ZNF410: variants seen among roughly 807,000 people sequenced by gnomAD.
ZNF410 encodes the protein another partner for ARF 1.
A neutral mutation model predicts 54.8 loss-of-function variants in ZNF410; 18 were observed. That is an observed-to-expected ratio of 0.33 (90% CI 0.23 to 0.49). ZNF410 has a LOEUF of 0.49. Among genes scored for constraint, ZNF410 ranks in the 20% least tolerant of loss-of-function variants. ZNF410 has a pLI of 0.99. For missense variants in ZNF410, 405 were observed against 569.6 expected, an observed-to-expected ratio of 0.71 and a Z score of 2.94; for synonymous variants, 191 against 207.3, an observed-to-expected ratio of 0.92 and a Z score of 0.68.
chr14:73,912,984 C>G (rs940600614), intron 8 of ZNF410: 2 of 151,922 alleles, frequency 1.3e-5, no homozygotes, highest in African/African-American at 4.8e-5. Flanking sequence ...ATCCCATCAC[C>G]TAGATATTAA....
chr14:73,909,572 C>A, intron 8 of ZNF410, 142 bp downstream of exon 8: 1 of 615,778 alleles, frequency 1.6e-6, no homozygotes, highest in Non-Finnish European at 2.8e-6. Flanking sequence ...ATGACAGAAT[C>A]AGAAATCAAG....
At chr14:73,892,915 C>G (rs1428307502) in intron 2 of ZNF410, among the ~76,000 whole-genome samples, 1 of 152,128 alleles carries the variant, frequency 6.6e-6, no homozygotes, top group African/African-American at 2.4e-5. Flanking sequence ...CCTGTCTCTA[C>G]TAAAAATACA....
At chr14:73,923,574 T>C in intron 11 of ZNF410, 52 bp downstream of exon 11, 4 of 1,574,294 alleles carry the variant, frequency 2.5e-6, no homozygotes, top group Non-Finnish European at 2.6e-6. Context: ...TGGGGAATGA[T>C]TGAGAATTTA....
intron 5 of ZNF410, among the ~76,000 whole-genome samples, chr14:73,903,248 AT>A (rs1348447933): frequency 5.3e-5 from 8 of 152,038 alleles, no homozygotes; most frequent in African/African-American, 1.7e-4. Context: ...CAGAGTTTTT[AT>A]TACTCAGAAC....
At chr14:73,926,446 G>GTT (rs537638618) in intron 11 of ZNF410, among the ~76,000 whole-genome samples, 2 of 149,362 alleles carry the variant, frequency 1.3e-5, no homozygotes. Context: ...TTTTGTTTTT[G>GTT]TTTTGAGACT....
intron 8 of ZNF410, among the ~76,000 whole-genome samples, chr14:73,910,470 G>A (rs1024905806): frequency 2.0e-5 from 3 of 152,160 alleles, no homozygotes; most frequent in East Asian, 1.9e-4. Flanking sequence ...GTGGCCTGGC[G>A]TGGTGGCTCA....
intron 8 of ZNF410, among the ~76,000 whole-genome samples, chr14:73,919,353 A>G (rs550029870): frequency 6.6e-6 from 1 of 152,162 alleles, no homozygotes; most frequent in East Asian, 1.9e-4. Context: ...ACAAGGGTAT[A>G]TTCCAAGATG....
chr14:73,904,073 T>C lies in ZNF410; in HGVS notation c.694T>C (p.Trp232Arg), dbSNP rs1189679013. 4 of 1,614,054 alleles carry C rather than the reference T, an allele frequency of 2.5e-6. No individual in the cohort carries two copies. Among genetic ancestry groups the C allele is most frequent in the Non-Finnish European group, 3.4e-6 (4 of 1,180,024 alleles). Residue 232 changes from tryptophan (W) to arginine (R), a missense_variant, in exon 6 of 12, where the codon TGG (tryptophan) becomes CGG (arginine). By Grantham distance (101) the Trp-to-Arg change is moderately radical. Transcript: ENST00000555044. ...TVEGCDRTFV[W>R]PAHFKYHLKT... ...TGAAGGTTGTGACCGGACATTTGTATGGCCAGCTCACTTTAAATACCACCT... is the reference window on the plus strand; with the variant it reads ...TGAAGGTTGTGACCGGACATTTGTACGGCCAGCTCACTTTAAATACCACCT...
At chr14:73,887,803 G>A (rs1338157645) in intron 1 of ZNF410, among the ~76,000 whole-genome samples, 2 of 152,186 alleles carry the variant, frequency 1.3e-5, no homozygotes, top group East Asian at 3.8e-4. Flanking sequence ...TTTACGTTTT[G>A]CATCTAAGTA....
At chr14:73,888,253 T>C (rs1384566549) in intron 1 of ZNF410, 1 of 152,194 alleles carries the variant, frequency 6.6e-6, no homozygotes, top group Non-Finnish European at 1.5e-5. Context: ...GATAATAATC[T>C]GGATTTTGGA....
rs1313444728 is a variant in ZNF410, at chr14:73,931,591, G to A, written c.*50G>A. The stretch of plus-strand genomic sequence containing the variant: ...GCAACTCTATCTGATCTCAAAATGC[G>A]TATACTGGGAACAGGATGCCTTAGC... On this transcript the variant is annotated 3_prime_UTR_variant, in exon 12 of 12. Transcript: ENST00000555044. The A allele has an allele frequency of 5.8e-6, 9 of 1,564,684 alleles. No individual in the cohort carries two copies. Among genetic ancestry groups the A allele is most frequent in the Middle Eastern group, 1.7e-4 (1 of 5,968 alleles).
At chr14:73,918,686 CTTTTTTTTTTTTTTTT>C (rs71115932) in intron 8 of ZNF410, among the ~76,000 whole-genome samples, 6 of 74,642 alleles carry the variant, frequency 8.0e-5, no homozygotes, top group South Asian at 1.3e-3. Context: ...TTCATATGGC[CTTTTTTTTTTTTTTTT>C]TTTTTTTTTT....
At chr14:73,931,337 C>G (rs1015909190) in intron 11 of ZNF410, among the ~76,000 whole-genome samples, 166 bp from the exon 12 acceptor site, 1 of 152,204 alleles carries the variant, frequency 6.6e-6, no homozygotes, top group Non-Finnish European at 1.5e-5. Context: ...CCCAAGGCCA[C>G]AGTGACATCT....
At chr14:73,925,577 A>G (rs1257844489) in intron 11 of ZNF410, among the ~76,000 whole-genome samples, 2 of 152,018 alleles carry the variant, frequency 1.3e-5, no homozygotes, top group African/African-American at 4.8e-5. Context: ...GCAGGCACCC[A>G]CTACCAAACC....
At chr14:73,887,460 G>A (rs1279007279) in intron 1 of ZNF410, 2 of 152,168 alleles carry the variant, frequency 1.3e-5, no homozygotes, top group Non-Finnish European at 2.9e-5. Context: ...GGAGTGTGTG[G>A]ATTGTTTACG....
At position 73,905,099 on chromosome 14, in the gene ZNF410, A is replaced by G. The variant is rs200798544; in HGVS notation, c.913+16A>G. On this transcript the variant is annotated intron_variant, in intron 7 of 11. Coordinates refer to ENST00000555044, the MANE Select transcript of ZNF410 (RefSeq NM_021188.3). Reference sequence around the variant, plus strand: ...ATCCACACAGGTGTGTGCAGCACCAACATTCCTTTGGGCAGTCTGCTCCTT... The same window carrying G: ...ATCCACACAGGTGTGTGCAGCACCAGCATTCCTTTGGGCAGTCTGCTCCTT... 59 of 1,608,982 alleles carry G rather than the reference A, an allele frequency of 3.7e-5. No homozygotes were observed. In the South Asian group the frequency reaches 4.3e-4, roughly 12 times the overall value.
At chr14:73,917,746 C>T (rs1481356863) in intron 8 of ZNF410, among the ~76,000 whole-genome samples, 2 of 152,110 alleles carry the variant, frequency 1.3e-5, no homozygotes, top group African/African-American at 2.4e-5. Context: ...TCACTTGAAC[C>T]TGGGAGGGGG....
At chr14:73,930,813 T>G (rs2055900948) in intron 11 of ZNF410, among the ~76,000 whole-genome samples, 1 of 151,756 alleles carries the variant, frequency 6.6e-6, no homozygotes, top group African/African-American at 2.4e-5. Context: ...GTTGCCCAAG[T>G]GGGTCTCAAA....
At chr14:73,910,975 G>A (rs1397484767) in intron 8 of ZNF410, among the ~76,000 whole-genome samples, 1 of 151,996 alleles carries the variant, frequency 6.6e-6, no homozygotes, top group African/African-American at 2.4e-5. Flanking sequence ...GATGATGAGT[G>A]CTAGAGGGGC....
Sources: allele counts gnomAD v4.1 joint callset (sites outside exome capture counted in the v4.1 genomes callset), GRCh38; gene constraint gnomAD v4.1.1; transcripts MANE v1.5; gene names NCBI Gene and HGNC (gene_info 2026-07-23, HGNC 2026-07-21).